The following HERC1 variants were observed in gnomAD, a reference collection of about 807,000 sequenced individuals.
The protein encoded by HERC1 is HECT and RLD domain containing E3 ubiquitin protein ligase family member 1.
Under a neutral mutation model 554.3 loss-of-function variants are expected in HERC1, and 160 were observed. The ratio of observed to expected loss-of-function variants is 0.29; its 90% CI spans 0.25 to 0.33. The LOEUF is 0.33. HERC1 is among the 10% of genes least tolerant of loss of function. The probability of loss-of-function intolerance (pLI) is 1.00; values close to 1 mark genes in which losing one functional copy is unlikely to be tolerated. For missense variants in HERC1, 4,919 were observed against 5,918.5 expected (o/e 0.83, Z 5.54); for synonymous variants, 2,175 against 2,131.7 (o/e 1.02, Z -0.56).
intron 1 of HERC1, among the ~76,000 whole-genome samples, chr15:63,796,885 AG>A (rs1446249701): frequency 6.6e-6 from 1 of 152,214 alleles, no homozygotes; most frequent in African/African-American, 2.4e-5. Context: ...TTCAGAGAAC[AG>A]ATTGTAAATG....
rs1166196806 is a variant in HERC1, at chr15:63,616,499, G to C, written c.13872C>G (p.Leu4624=). The change falls in exon 75 of 78, where the codon CTC becomes CTG. Residue 4624 remains leucine (L), a synonymous_variant. Transcript: ENST00000443617. ...GAATGCTGTTGAGAGTCTGCACGTA[G>C]AGCAGATCCACCTCCTCCAGGTCCT... ...TLEDLEEVDL[L]YVQTLNSILH... 1.9e-6 allele frequency: 3 copies of C among 1,613,948 alleles called. No homozygotes were observed. Among genetic ancestry groups the C allele is most frequent in the Non-Finnish European group, 2.5e-6 (3 of 1,179,866 alleles).
At chr15:63,701,750 G>C (rs2072732405) in intron 25 of HERC1, among the ~76,000 whole-genome samples, 1 of 152,078 alleles carries the variant, frequency 6.6e-6, no homozygotes, top group South Asian at 2.1e-4. Flanking sequence ...AAAATATTTA[G>C]TTTGACATCA....
chr15:63,745,799 T>G (rs2075034142), intron 12 of HERC1, among the ~76,000 whole-genome samples: 1 of 152,246 alleles, frequency 6.6e-6, no homozygotes, highest in South Asian at 2.1e-4. Flanking sequence ...GCAGGGGGAA[T>G]GATCAGTGGA....
At chr15:63,826,262 C>T (rs140301919) in intron 1 of HERC1, among the ~76,000 whole-genome samples, 2 of 152,078 alleles carry the variant, frequency 1.3e-5, no homozygotes, top group East Asian at 1.9e-4. Context: ...TTTTTGGCAC[C>T]GCTAAAATCT....
Position 63,734,740 on chromosome 15 carries a change from C to T in HERC1, c.2630G>A (p.Ser877Asn), listed in dbSNP as rs760444823. ...LLPQGPDRWE[S>N]LSKGQRMQLD... ...AAGGCCTACCTGTCCTTTAGATAAGCTTTCCCATCTATCAGGTCCTTGAGG... is the reference window on the plus strand; with the variant it reads ...AAGGCCTACCTGTCCTTTAGATAAGTTTTCCCATCTATCAGGTCCTTGAGG... Residue 877 changes from serine to asparagine, a missense_variant, in exon 13 of 78, where the codon AGC (serine) becomes AAC (asparagine). Around this residue, in one of 11 missense-constraint regions of HERC1, gnomAD observed 744 missense variants for 1,090.0 expected, o/e 0.68. Coordinates refer to ENST00000443617, the MANE Select transcript of HERC1 (RefSeq NM_003922.4). The surrounding 1 kb of genome is among the most constrained non-coding windows in gnomAD (Gnocchi z 4.6). 1.9e-6 allele frequency: 3 copies of T among 1,571,778 alleles called. No individual in the cohort carries two copies. Among genetic ancestry groups the T allele is most frequent in the Admixed American group, 2.0e-5 (1 of 50,818 alleles).
chr15:63,639,671 T>TA (rs1297270397), intron 61 of HERC1, among the ~76,000 whole-genome samples: 2 of 152,242 alleles, frequency 1.3e-5, no homozygotes, highest in African/African-American at 4.8e-5. Context: ...ACAGGTATTT[T>TA]ATCTATGTCA....
chr15:63,764,372 G>A (rs540009394), intron 2 of HERC1, among the ~76,000 whole-genome samples, 181 bp from the exon 3 acceptor site: 8 of 152,208 alleles, frequency 5.3e-5, no homozygotes, highest in African/African-American at 1.4e-4. Flanking sequence ...TTTATTAAAC[G>A]AGCTGGCTAC....
intron 16 of HERC1, 43 bp downstream of exon 16, chr15:63,729,193 T>C: frequency 1.9e-6 from 3 of 1,541,422 alleles, no homozygotes; most frequent in Non-Finnish European, 2.6e-6. Context: ...GTGTTCTTAC[T>C]TCTTAATGAC....
chr15:63,695,846 C>CA (rs534583970), intron 27 of HERC1, among the ~76,000 whole-genome samples: 17 of 152,168 alleles, frequency 1.1e-4, no homozygotes, highest in Non-Finnish European at 2.5e-4. Context: ...TCCCAAACTC[C>CA]AATCCCTATC....
chr15:63,703,035 G>A (rs769054589), intron 25 of HERC1, among the ~76,000 whole-genome samples: 13 of 150,928 alleles, frequency 8.6e-5, no homozygotes, highest in Admixed American at 7.9e-4. Context: ...ACAGGGACCC[G>A]TGAGGAGGAG....
intron 2 of HERC1, among the ~76,000 whole-genome samples, chr15:63,768,025 ATTC>A (rs772944323): frequency 1.1e-4 from 16 of 142,892 alleles, no homozygotes; most frequent in Non-Finnish European, 1.6e-4. Context: ...AATAATCATT[ATTC>A]TTAATTATTC....
intron 76 of HERC1, among the ~76,000 whole-genome samples, chr15:63,613,537 T>C (rs1020220978): frequency 2.0e-5 from 3 of 152,192 alleles, no homozygotes; most frequent in Non-Finnish European, 4.4e-5. Flanking sequence ...GGACCATACC[T>C]TAAGGAAGTG....
chr15:63,706,084 TAA>T (rs2153094844), intron 25 of HERC1, among the ~76,000 whole-genome samples: 1 of 149,070 alleles, frequency 6.7e-6, no homozygotes, highest in East Asian at 1.9e-4. Context: ...GAAAAATGCT[TAA>T]GAGAGTTTTT....
intron 76 of HERC1, among the ~76,000 whole-genome samples, chr15:63,614,328 AC>A (rs1207081691): frequency 2.0e-5 from 3 of 152,156 alleles, no homozygotes; most frequent in Non-Finnish European, 4.4e-5. Context: ...GGCAATCCTT[AC>A]CTCACAGAGT....
intron 8 of HERC1, 48 bp downstream of exon 8, chr15:63,752,910 A>T: frequency 6.5e-7 from 1 of 1,548,818 alleles, no homozygotes; most frequent in Non-Finnish European, 8.8e-7. Flanking sequence ...TTAGTCACCT[A>T]ATCCTCTGAA....
chr15:63,657,997 T>C (rs62014168), intron 48 of HERC1, among the ~76,000 whole-genome samples: 253 of 152,352 alleles, frequency 1.7e-3, no homozygotes, highest in Non-Finnish European at 3.1e-3. Flanking sequence ...TACTATCCTA[T>C]TTGCCTATCC....
intron 45 of HERC1, 37 bp downstream of exon 45, chr15:63,661,716 T>C: frequency 6.2e-7 from 1 of 1,604,082 alleles, no homozygotes; most frequent in South Asian, 1.1e-5. Flanking sequence ...ATGAGGTATC[T>C]TCAGGAGGTC....
In HERC1 at chr15:63,730,464, T is replaced by A. The variant is rs2074245123; in HGVS notation, c.2869-815A>T. On this transcript the variant is annotated intron_variant, in intron 14 of 77. Transcript: ENST00000443617. Reference sequence around the variant, plus strand: ...ACAGAAAGCCTGTCTCTAATAAAATTAAAATTAAAATTAAAAAAGAGATAT... The same window carrying A: ...ACAGAAAGCCTGTCTCTAATAAAATAAAAATTAAAATTAAAAAAGAGATAT... Among the ~76,000 whole-genome samples the A allele has an allele frequency of 2.6e-5, 4 of 151,934 alleles. No individual in the cohort carries two copies. In the South Asian group the frequency reaches 8.3e-4, roughly 32 times the overall value.
chr15:63,737,229 G>A (rs2074545971), intron 12 of HERC1, among the ~76,000 whole-genome samples: 2 of 149,678 alleles, frequency 1.3e-5, no homozygotes, highest in Non-Finnish European at 3.0e-5. Context: ...AAAACAGGAA[G>A]GAAAACACAA....
Sources: gnomAD v4.1 joint callset for allele counts (sites outside exome capture counted in the v4.1 genomes callset) on GRCh38, gnomAD v4.1.1 for gene constraint, gnomAD v4.1.1 regional missense constraint, Gnocchi (gnomAD v3.1) non-coding constraint, MANE v1.5 for transcripts, NCBI Gene and HGNC (gene_info 2026-07-23, HGNC 2026-07-21) for gene names.